ZFHX4: variants seen among roughly 807,000 people sequenced by gnomAD.
The protein encoded by ZFHX4 is zinc finger homeobox protein 4.
ZFHX4 carries 56 observed loss-of-function variants against 267.6 expected under a neutral mutation model. The observed-to-expected ratio is 0.21, with a 90% CI of 0.17 to 0.26. The LOEUF (loss-of-function observed/expected upper bound fraction) is 0.26, where lower values mean the gene tolerates loss of function less well. Ranked by LOEUF, ZFHX4 falls within the 10% of genes least tolerant of loss-of-function variation. The pLI is 1.00. For synonymous variants in ZFHX4, 1,778 were observed against 1,665.6 expected (o/e 1.07, Z -1.64); for missense variants, 4,332 against 4,420.0 (o/e 0.98, Z 0.56).
At chr8:76,835,267 A>T (rs1419523431) in intron 5 of ZFHX4, among the ~76,000 whole-genome samples, 1 of 131,162 alleles carries the variant, frequency 7.6e-6, no homozygotes, top group Admixed American at 7.4e-5. Flanking sequence ...ATATTCATAC[A>T]TATATTTGTT....
intron 1 of ZFHX4, among the ~76,000 whole-genome samples, chr8:76,693,812 T>C (rs1585853191): frequency 6.6e-6 from 1 of 152,212 alleles, no homozygotes; most frequent in Non-Finnish European, 1.5e-5. Context: ...GGAATCATTA[T>C]GGCTTGCCAG....
At chr8:76,786,979 TA>T (rs1383763379) in intron 4 of ZFHX4, among the ~76,000 whole-genome samples, 16 of 152,210 alleles carry the variant, frequency 1.1e-4, no homozygotes, top group Non-Finnish European at 2.2e-4. Flanking sequence ...TATTTTGCCA[TA>T]GGGGGGTAGT....
At chr8:76,755,700 T>C (rs1809742542) in intron 3 of ZFHX4, among the ~76,000 whole-genome samples, 1 of 152,208 alleles carries the variant, frequency 6.6e-6, no homozygotes, top group African/African-American at 2.4e-5. Flanking sequence ...TTACTTTGTG[T>C]TGAAATTGTC....
intron 10 of ZFHX4, among the ~76,000 whole-genome samples, chr8:76,856,842 T>C (rs978617382): frequency 2.0e-5 from 3 of 152,218 alleles, no homozygotes; most frequent in Admixed American, 6.5e-5. Context: ...ATAGGACTTA[T>C]GTTTGAAGTT....
chr8:76,853,270 C>T lies in ZFHX4; in HGVS notation c.6349C>T (p.Leu2117Phe). ...ADLTQLCQQQLGLDPNFLRHS... is the reference protein window; with the variant it reads ...ADLTQLCQQQFGLDPNFLRHS... ...CCTCACCCAACTTTGCCAGCAGCAG[C>T]TCGGATTAGATCCCAACTTCTTAAG... The change falls in exon 10 of 11, where the codon CTC becomes TTC. Residue 2117 changes from leucine (L) to phenylalanine (F), a missense_variant. Coordinates refer to ENST00000651372, the MANE Select transcript of ZFHX4 (RefSeq NM_024721.5). 6.3e-7 allele frequency: 1 copy of T among 1,598,906 alleles called. No homozygotes were observed. The highest frequency in any genetic ancestry group is 8.5e-7 in the Non-Finnish European group (1 of 1,172,184).
intron 3 of ZFHX4, among the ~76,000 whole-genome samples, chr8:76,738,209 G>A (rs937312455): frequency 2.0e-5 from 3 of 152,092 alleles, no homozygotes; most frequent in Admixed American, 1.3e-4. Context: ...AGGACACCCA[G>A]CCTTGCCCCT....
At chr8:76,715,893 T>C (rs1484922750) in intron 3 of ZFHX4, among the ~76,000 whole-genome samples, 1 of 152,222 alleles carries the variant, frequency 6.6e-6, no homozygotes, top group African/African-American at 2.4e-5. Flanking sequence ...GCATAAAATA[T>C]ACATTTCTCT....
chr8:76,716,399 A>G (rs1449753973), intron 3 of ZFHX4, among the ~76,000 whole-genome samples: 1 of 152,168 alleles, frequency 6.6e-6, no homozygotes, highest in African/African-American at 2.4e-5. Context: ...TACTTCACAT[A>G]CTTTTCCTAA....
intron 4 of ZFHX4, among the ~76,000 whole-genome samples, chr8:76,822,825 C>T (rs116378195): frequency 6.6e-6 from 1 of 152,164 alleles, no homozygotes; most frequent in African/African-American, 2.4e-5. Context: ...TTTGCCCTTA[C>T]CCTTCATCGT....
chr8:76,706,307 G>T lies in ZFHX4; in HGVS notation c.2219G>T (p.Gly740Val), dbSNP rs1018328483. The T allele has an allele frequency of 1.2e-6, 2 of 1,613,918 alleles. No individual in the cohort carries two copies. Residue 740 changes from glycine to valine, a missense_variant, in exon 2 of 11, where the codon GGC becomes GTC. Gly to Val is a moderately radical substitution (Grantham distance 109). Transcript: ENST00000651372. ...AATGGCAATGGTGAGCAGGTGTTTGGCCACTCTGCCCCAGCCCCCAACACC... is the reference window on the plus strand; with the variant it reads ...AATGGCAATGGTGAGCAGGTGTTTGTCCACTCTGCCCCAGCCCCCAACACC... ...LQNGNGEQVF[G>V]HSAPAPNTSL...
rs1372659982 is a variant in ZFHX4 at position 76,814,037 on chromosome 8, A to G, written c.3326-19301A>G. Reference sequence around the variant, plus strand: ...TCCATGTAGTTTGACAATAACCGTCATCATGCTATTCTTCCGTAACATTGT... The same window carrying G: ...TCCATGTAGTTTGACAATAACCGTCGTCATGCTATTCTTCCGTAACATTGT... On this transcript the variant is annotated intron_variant, in intron 4 of 10. Transcript: ENST00000651372. 2.0e-5 allele frequency among the ~76,000 whole-genome samples: 3 copies of G among 152,254 alleles called. No individual in the cohort carries two copies. In the East Asian group the frequency reaches 5.8e-4, roughly 29 times the overall value.
chr8:76,853,224 G>T lies in ZFHX4; in HGVS notation c.6303G>T (p.Gln2101His). 6.4e-7 allele frequency: 1 copy of T among 1,569,974 alleles called. No homozygotes were observed. The highest frequency in any genetic ancestry group is 1.4e-5 in the African/African-American group (1 of 73,794). ...CCCAGCTTGCCCTGCAGCTGCCACAGATGGACGCACTCTCTGCAGACCTCA... is the reference window on the plus strand; with the variant it reads ...CCCAGCTTGCCCTGCAGCTGCCACATATGGACGCACTCTCTGCAGACCTCA... Reference protein sequence around the residue: ...LPPQLALQLPQMDALSADLTQ... With the variant: ...LPPQLALQLPHMDALSADLTQ... The change falls in exon 10 of 11, where the codon CAG becomes CAT. Residue 2101 changes from glutamine (Q) to histidine (H), a missense_variant. By Grantham distance (24) the Gln-to-His change is conservative. Around this residue, in one of 7 missense-constraint regions of ZFHX4, gnomAD observed 1,371 missense variants for 1,423.1 expected, o/e 0.96. Coordinates refer to ENST00000651372, the MANE Select transcript of ZFHX4 (RefSeq NM_024721.5).
chr8:76,708,640 G>A (rs1455269295), intron 3 of ZFHX4, among the ~76,000 whole-genome samples: 3 of 152,102 alleles, frequency 2.0e-5, no homozygotes, highest in Admixed American at 6.5e-5. Context: ...CTAAATGGGT[G>A]TGGTATAGAT....
intron 4 of ZFHX4, among the ~76,000 whole-genome samples, chr8:76,787,761 C>T (rs1297816050): frequency 2.0e-5 from 3 of 151,486 alleles, no homozygotes; most frequent in Non-Finnish European, 4.4e-5. Context: ...TGCGGTGAGC[C>T]GAGATCATGC....
In ZFHX4 at chr8:76,705,495, G is replaced by T; in HGVS notation, c.1407G>T (p.Pro469=). 1 of 1,613,678 alleles carries T rather than the reference G, an allele frequency of 6.2e-7. No homozygotes were observed. The highest frequency in any genetic ancestry group is 8.5e-7 in the Non-Finnish European group (1 of 1,179,754). The part of the protein sequence containing the change: ...ECPVKSEPTE[P]GDEDEEDAYS... ...CTGTCAAAAGTGAACCCACTGAACC[G>T]GGAGATGAGGATGAAGAAGATGCGT... The change falls in exon 2 of 11, where the codon CCG becomes CCT. Residue 469 remains proline (P), a synonymous_variant. Transcript: ENST00000651372.
At position 76,856,216 on chromosome 8, in the gene ZFHX4, C is replaced by A. The variant is rs751969488; in HGVS notation, c.9295C>A (p.Pro3099Thr). The change falls in exon 10 of 11, where the codon CCC becomes ACC. Residue 3099 changes from proline (P) to threonine (T), a missense_variant. Physicochemically the swap from Pro to Thr is conservative, Grantham distance 38. Around this residue, in one of 7 missense-constraint regions of ZFHX4, gnomAD observed 1,648 missense variants for 1,625.0 expected, o/e 1.01. Transcript: ENST00000651372. ...CGGCATCAGCCTGCCAACAGCCTAC[C>A]CCGGACTCCCCGGCCTTCCTCCAGT... ...LHGISLPTAY[P>T]GLPGLPPVLL... 2.0e-5 allele frequency: 32 copies of A among 1,613,804 alleles called. No homozygotes were observed. The South Asian group carries it at 3.5e-4, about 18-fold the overall frequency.
intron 5 of ZFHX4, among the ~76,000 whole-genome samples, chr8:76,840,297 C>A (rs967182016): frequency 1.3e-5 from 2 of 152,162 alleles, no homozygotes; most frequent in African/African-American, 4.8e-5. Flanking sequence ...GGCCTCAGAA[C>A]TGCTGTTTGC....
At chr8:76,740,778 T>C (rs1216123404) in intron 3 of ZFHX4, among the ~76,000 whole-genome samples, 2 of 152,058 alleles carry the variant, frequency 1.3e-5, no homozygotes, top group Non-Finnish European at 2.9e-5. Context: ...GGGAAAATTA[T>C]TTGAGGGAGG....
intron 3 of ZFHX4, among the ~76,000 whole-genome samples, chr8:76,746,203 T>C (rs369091954): frequency 1.3e-5 from 2 of 152,122 alleles, no homozygotes; most frequent in East Asian, 1.9e-4. Flanking sequence ...GCCAGCAGTG[T>C]GAAACCAGCT....
Sources: gnomAD v4.1 joint callset for allele counts (sites outside exome capture counted in the v4.1 genomes callset) on GRCh38, gnomAD v4.1.1 for gene constraint, gnomAD v4.1.1 regional missense constraint, MANE v1.5 for transcripts, NCBI Gene and HGNC (gene_info 2026-07-23, HGNC 2026-07-21) for gene names.